Variants in TMEM181 observed in about 807,000 individuals in gnomAD.
TMEM181 encodes the protein G protein-coupled receptor 178.
Under a neutral mutation model 71.9 loss-of-function variants are expected in TMEM181, and 39 were observed. The ratio of observed to expected loss-of-function variants is 0.54; its 90% CI spans 0.42 to 0.71. TMEM181 has a LOEUF of 0.71. Ranked by LOEUF, TMEM181 falls within the 30% of genes least tolerant of loss-of-function variation. TMEM181 has a pLI of 0.00. For synonymous variants in TMEM181, 245 were observed against 228.8 expected, an observed-to-expected ratio of 1.07 and a Z score of -0.64; for missense variants, 595 against 583.0, an observed-to-expected ratio of 1.02 and a Z score of -0.21.
intron 1 of TMEM181, among the ~76,000 whole-genome samples, chr6:158,540,741 G>A (rs769529118): frequency 2.6e-4 from 40 of 152,190 alleles, no homozygotes; most frequent in South Asian, 2.1e-3. Context: ...CGCAGTGCTG[G>A]CTGCACATCA....
chr6:158,611,156 T>C (rs769506633), intron 10 of TMEM181: 1 of 530,138 alleles, frequency 1.9e-6, no homozygotes, highest in Non-Finnish European at 3.8e-6. Flanking sequence ...TACTCTCCTG[T>C]CACAGAAGCT....
At chr6:158,627,176 CCT>C (rs919667877) in intron 13 of TMEM181, among the ~76,000 whole-genome samples, 3 of 149,630 alleles carry the variant, frequency 2.0e-5, no homozygotes, top group Admixed American at 1.3e-4. Context: ...TCACACACAC[CCT>C]CACTCTCACA....
chr6:158,576,599 G>A (rs1783167863), intron 2 of TMEM181, among the ~76,000 whole-genome samples: 1 of 152,026 alleles, frequency 6.6e-6, no homozygotes, highest in Non-Finnish European at 1.5e-5. Flanking sequence ...GAAGGCACAG[G>A]CTCAGAGAAA....
intron 1 of TMEM181, among the ~76,000 whole-genome samples, chr6:158,570,308 A>G (rs941230394): frequency 6.0e-5 from 9 of 150,606 alleles, no homozygotes; most frequent in African/African-American, 2.0e-4. Flanking sequence ...TCTCAGCTCA[A>G]TGCAAGCTCT....
intron 5 of TMEM181, among the ~76,000 whole-genome samples, chr6:158,586,818 C>T (rs1434328565): frequency 1.3e-5 from 2 of 152,170 alleles, no homozygotes; most frequent in East Asian, 3.8e-4. Context: ...TCAAGCCTTC[C>T]CTGCCTGCCT....
chr6:158,605,158 G>GA, intron 6 of TMEM181, 109 bp from the exon 7 acceptor site: 1 of 571,558 alleles, frequency 1.7e-6, no homozygotes, highest in South Asian at 1.9e-5. Flanking sequence ...GTGTGTGTGT[G>GA]TATGTGTATA....
intron 16 of TMEM181, 98 bp downstream of exon 16, chr6:158,631,487 G>A: frequency 7.5e-7 from 1 of 1,334,780 alleles, no homozygotes; most frequent in Non-Finnish European, 1.1e-6. Flanking sequence ...TATTTTCAAG[G>A]TATGAAGGCA....
intron 1 of TMEM181, among the ~76,000 whole-genome samples, chr6:158,548,216 G>A (rs1049917922): frequency 2.0e-5 from 3 of 152,136 alleles, no homozygotes; most frequent in Non-Finnish European, 2.9e-5. Context: ...CGAAGCTCTG[G>A]CCCACGTGCA....
chr6:158,586,656 A>G (rs2128303065), intron 5 of TMEM181, among the ~76,000 whole-genome samples: 1 of 150,540 alleles, frequency 6.6e-6, no homozygotes, highest in Non-Finnish European at 1.5e-5. Flanking sequence ...CTAGCAAGAA[A>G]GAATTCAAGG....
intron 10 of TMEM181, among the ~76,000 whole-genome samples, chr6:158,619,729 C>T (rs578138871): frequency 2.6e-4 from 40 of 152,108 alleles, no homozygotes; most frequent in African/African-American, 8.0e-4. Flanking sequence ...ATTAGCCAGG[C>T]GTGATGGTAC....
chr6:158,552,006 AG>A (rs1233430046), intron 1 of TMEM181, among the ~76,000 whole-genome samples: 7 of 152,250 alleles, frequency 4.6e-5, no homozygotes, highest in African/African-American at 1.7e-4. Context: ...GATGTCAAAA[AG>A]TTTACAGTCC....
chr6:158,581,003 TG>T lies in TMEM181; in HGVS notation c.168+11del. The T allele has an allele frequency of 6.2e-7, 1 of 1,605,320 alleles. No homozygotes were observed. Among genetic ancestry groups the T allele is most frequent in the Non-Finnish European group, 8.5e-7 (1 of 1,172,970 alleles). ...CTAAATAATAGCAAAAAGGTAAGAC[TG>T]GGTCTGAGTGGCAGCTGGGTGGTGG... On this transcript the variant is annotated intron_variant, in intron 3 of 16. Coordinates refer to ENST00000684151, the MANE Select transcript of TMEM181 (RefSeq NM_001376852.1).
chr6:158,620,464 AG>A lies in TMEM181; in HGVS notation c.897-3083del, dbSNP rs1292103923. Among the ~76,000 whole-genome samples the A allele has an allele frequency of 1.3e-5, 2 of 152,198 alleles. No homozygotes were observed. The highest frequency in any genetic ancestry group is 4.8e-5 in the African/African-American group (2 of 41,450). ...TGGATGTTCCAGTTGGAATCACCAA[AG>A]GGCTTCCCGAACCGGCATGCGTGAG... On this transcript the variant is annotated intron_variant, in intron 10 of 16. Coordinates refer to ENST00000684151, the MANE Select transcript of TMEM181 (RefSeq NM_001376852.1). This position sits in a 1 kb window ranked among gnomAD's most constrained non-coding sequence, Gnocchi z 4.5.
chr6:158,583,630 CTG>C (rs984717928), intron 3 of TMEM181, among the ~76,000 whole-genome samples: 2 of 152,216 alleles, frequency 1.3e-5, no homozygotes, highest in Non-Finnish European at 2.9e-5. Context: ...GAAACTCCGT[CTG>C]TACTAGAAAT....
chr6:158,554,943 C>T lies in TMEM181; in HGVS notation c.131+18078C>T, dbSNP rs558466765. Among the ~76,000 whole-genome samples the T allele has an allele frequency of 5.3e-5, 8 of 152,322 alleles. No homozygotes were observed. In the East Asian group the frequency reaches 1.3e-3, roughly 26 times the overall value. On this transcript the variant is annotated intron_variant, in intron 1 of 16. Transcript: ENST00000367090. ...TGGTGGGCGAAGATTTTGGACAAAG[C>T]AGTTTGGTTTTTAAAAATCTCTTTT...
intron 1 of TMEM181, among the ~76,000 whole-genome samples, chr6:158,542,225 C>G (rs1432504786): frequency 6.6e-6 from 1 of 152,090 alleles, no homozygotes; most frequent in East Asian, 1.9e-4. Flanking sequence ...CTTTTAATCA[C>G]ACAGCCAGAG....
rs375221837 is a variant in TMEM181 at position 158,623,585 on chromosome 6, G to A, written c.932G>A (p.Arg311Gln). The change falls in exon 11 of 17, where the codon CGA (arginine) becomes CAA (glutamine). Residue 311 changes from arginine to glutamine, a missense_variant. Physicochemically the swap from Arg to Gln is conservative, Grantham distance 43. Transcript: ENST00000684151. Reference sequence around the variant, plus strand: ...TTACATGATCCAATGTACCAGTATCGAGTTGATACCGGAAATTTTCAGGTA... The same window carrying A: ...TTACATGATCCAATGTACCAGTATCAAGTTGATACCGGAAATTTTCAGGTA... Reference protein sequence around the residue: ...NELHDPMYQYRVDTGNFQGMK... With the variant: ...NELHDPMYQYQVDTGNFQGMK... The A allele has an allele frequency of 4.4e-6, 7 of 1,583,532 alleles. No individual in the cohort carries two copies. The Admixed American group carries it at 5.2e-5, about 12-fold the overall frequency.
chr6:158,560,583 C>G (rs1482153388), intron 1 of TMEM181, among the ~76,000 whole-genome samples: 1 of 152,142 alleles, frequency 6.6e-6, no homozygotes, highest in Admixed American at 6.5e-5. Context: ...GCCGCCCGCA[C>G]GGAGTCCCGC....
chr6:158,587,348 C>T (rs1783826466), intron 5 of TMEM181, among the ~76,000 whole-genome samples: 2 of 152,136 alleles, frequency 1.3e-5, no homozygotes, highest in Non-Finnish European at 2.9e-5. Context: ...CGTTGTTGGC[C>T]CTACCTCATT....
Sources: allele counts gnomAD v4.1 joint callset (sites outside exome capture counted in the v4.1 genomes callset), GRCh38; gene constraint gnomAD v4.1.1; non-coding constraint Gnocchi (gnomAD v3.1); transcripts MANE v1.5; gene names NCBI Gene and HGNC (gene_info 2026-07-23, HGNC 2026-07-21).